The following TYMS variants were observed in gnomAD, a reference collection of about 807,000 sequenced individuals.
The protein encoded by TYMS is thymidylate synthase.
TYMS carries 21 observed loss-of-function variants against 39.3 expected under a neutral mutation model. That is an observed-to-expected ratio of 0.54 (90% confidence interval 0.38 to 0.77). The LOEUF is 0.77. Among genes scored for constraint, TYMS ranks in the 30% least tolerant of loss-of-function variants. The probability of loss-of-function intolerance (pLI) is 0.00; values close to 1 mark genes in which losing one functional copy is unlikely to be tolerated. For synonymous variants in TYMS, 171 were observed against 162.2 expected, an observed-to-expected ratio of 1.05 and a Z score of -0.41; for missense variants, 273 against 406.7, an observed-to-expected ratio of 0.67 and a Z score of 2.83.
At position 657,962 on chromosome 18, in the gene TYMS, C is replaced by A; in HGVS notation, c.205+15C>A. ...CAGCCTGAGAGGTGACGCCGCGGGC[C>A]CCTGCGGGACGGGTGGCGGGAAGGA... On this transcript the variant is annotated intron_variant, in intron 1 of 6. Coordinates refer to ENST00000323274, the MANE Select transcript of TYMS (RefSeq NM_001071.4). 3 of 1,506,254 alleles carry A rather than the reference C, an allele frequency of 2.0e-6. No individual in the cohort carries two copies. The highest frequency in any genetic ancestry group is 2.7e-6 in the Non-Finnish European group (3 of 1,131,874). 93.3% of individuals were successfully genotyped at this position (1,506,254 alleles called of 1,614,324 possible).
Position 671,456 on chromosome 18 carries a change from G to T in TYMS, c.804+5G>T. ...ATCGAGCCACTGAAAATTCAGGTAA[G>T]AATTAGATGTTATACTTTTGGGTTT... is the stretch of plus-strand genomic sequence containing the variant. On this transcript the variant is annotated splice_donor_5th_base_variant and intron_variant, in intron 6 of 6. Transcript: ENST00000323274. 6.3e-7 allele frequency: 1 copy of T among 1,598,548 alleles called. No individual in the cohort carries two copies. Among genetic ancestry groups the T allele is most frequent in the African/African-American group, 1.3e-5 (1 of 74,674 alleles).
chr18:671,648 A>T (rs2853537), intron 6 of TYMS, 197 bp downstream of exon 6: 226,171 of 602,476 alleles, frequency 0.38, 45,874 homozygotes, highest in East Asian at 0.66. Flanking sequence ...GGCACTTAAC[A>T]TGTCAGGTGC....
At chr18:662,002 G>C in intron 2 of TYMS, 144 bp from the exon 3 acceptor site, 1 of 779,162 alleles carries the variant, frequency 1.3e-6, no homozygotes, top group Non-Finnish European at 2.0e-6. Flanking sequence ...AAAAAGGATG[G>C]GTTCCATATG....
At chr18:661,884 C>G (rs564695373) in intron 2 of TYMS, among the ~76,000 whole-genome samples, 63 of 152,352 alleles carry the variant, frequency 4.1e-4, no homozygotes, top group African/African-American at 1.5e-3. Flanking sequence ...ACTCGGGAGG[C>G]TGAGGCAGGG....
At position 659,667 on chromosome 18, in the gene TYMS, CGT is replaced by C; in HGVS notation, c.237_238del (p.Phe80LeufsTer19). ...RDEFPLLTTK[R>X]VFWKGVLEEL... ...TGAATTCCCTCTGCTGACAACCAAA[CGT>C]GTGTTCTGGAAGGGTGTTTTGGAGG... On this transcript the variant is annotated frameshift_variant, in exon 2 of 7. Transcript: ENST00000323274. LOFTEE classifies it high-confidence loss of function. 6.2e-7 allele frequency: 1 copy of C among 1,614,160 alleles called. No individual in the cohort carries two copies. Among genetic ancestry groups the C allele is most frequent in the Non-Finnish European group, 8.5e-7 (1 of 1,180,006 alleles).
intron 6 of TYMS, chr18:672,327 C>CTT (rs2075101014): frequency 6.6e-6 from 1 of 152,248 alleles, no homozygotes; most frequent in African/African-American, 2.4e-5. Flanking sequence ...GTGGAGGTGA[C>CTT]TTCAGGCTTA....
chr18:667,363 GAGA>G (rs770382459), intron 3 of TYMS, among the ~76,000 whole-genome samples: 2 of 29,538 alleles, frequency 6.8e-5, no homozygotes, highest in African/African-American at 3.4e-4. Context: ...GATGGTGATG[GAGA>G]TGGTGATGGT....
At chr18:670,600 G>C in intron 4 of TYMS, 92 bp from the exon 5 acceptor site, 1 of 1,399,702 alleles carries the variant, frequency 7.1e-7, no homozygotes, top group Non-Finnish European at 9.9e-7. Flanking sequence ...CACCATATGA[G>C]TTGGCTTCTG....
Position 660,832 on chromosome 18 carries a change from G to A in TYMS, c.279+1118G>A, listed in dbSNP as rs2074749432. Among the ~76,000 whole-genome samples the A allele has an allele frequency of 1.3e-5, 2 of 152,196 alleles. No homozygotes were observed. Among genetic ancestry groups the A allele is most frequent in the African/African-American group, 4.8e-5 (2 of 41,454 alleles). Reference sequence around the variant, plus strand: ...AGGTCTGGGCCATACTAGAAGCTGGGATCCCTTCTATAGAGCACTTGGTAT... The same window carrying A: ...AGGTCTGGGCCATACTAGAAGCTGGAATCCCTTCTATAGAGCACTTGGTAT... On this transcript the variant is annotated intron_variant, in intron 2 of 6. Transcript: ENST00000323274. The surrounding 1 kb of genome is among the most constrained non-coding windows in gnomAD (Gnocchi z 4.6).
intron 6 of TYMS, 73 bp from the exon 7 acceptor site, chr18:672,787 T>A (rs2075128159): frequency 1.2e-5 from 18 of 1,472,808 alleles, no homozygotes; most frequent in Non-Finnish European, 1.7e-5. Context: ...TGTGTACTTG[T>A]TTCACGGACA....
intron 4 of TYMS, chr18:670,360 C>T (rs1349868068): frequency 4.5e-6 from 1 of 224,204 alleles, no homozygotes; most frequent in Admixed American, 5.2e-5. Flanking sequence ...GGAGGGTGTA[C>T]CAGAAGCACC....
In TYMS at chr18:657,674, C is replaced by T; in HGVS notation, c.-69C>T. 1 of 1,072,532 alleles carries T rather than the reference C, an allele frequency of 9.3e-7. No homozygotes were observed. The highest frequency in any genetic ancestry group is 2.6e-5 in the African/African-American group (1 of 38,190). 66.4% of individuals were successfully genotyped at this position (1,072,532 alleles called of 1,614,324 possible). A position where few individuals can be genotyped will look rare whatever the true frequency, so the allele number is the denominator to read the frequency against. ...CGCCACTTGGCCTGCCTCCGTCCCGCCGCGCCACTTGGCCTGCCTCCGTCC... is the reference window on the plus strand; with the variant it reads ...CGCCACTTGGCCTGCCTCCGTCCCGTCGCGCCACTTGGCCTGCCTCCGTCC... On this transcript the variant is annotated 5_prime_UTR_variant, in exon 1 of 7. Transcript: ENST00000323274.
In TYMS at chr18:670,774, C is replaced by T. The variant is rs777474966; in HGVS notation, c.639C>T (p.Tyr213=). The T allele has an allele frequency of 2.7e-5, 43 of 1,614,024 alleles. No individual in the cohort carries two copies. The highest frequency in any genetic ancestry group is 3.4e-5 in the Non-Finnish European group (40 of 1,180,048). The change falls in exon 5 of 7, where the codon TAC becomes TAT. Residue 213 remains tyrosine (Y), a synonymous_variant. Transcript: ENST00000323274. ...ACAGTGAGCTGTCCTGCCAGCTGTA[C>T]CAGAGATCGGGAGACATGGGCCTCG... The part of the protein sequence containing the change: ...VVNSELSCQL[Y]QRSGDMGLGV...
At chr18:670,601 T>C (rs2074997852) in intron 4 of TYMS, 91 bp from the exon 5 acceptor site, 6 of 1,402,804 alleles carry the variant, frequency 4.3e-6, no homozygotes, top group Non-Finnish European at 5.9e-6. Flanking sequence ...ACCATATGAG[T>C]TGGCTTCTGT....
rs966583765 is a variant in TYMS, at chr18:660,145, C to T, written c.279+431C>T. On this transcript the variant is annotated intron_variant, in intron 2 of 6. Coordinates refer to ENST00000323274, the MANE Select transcript of TYMS (RefSeq NM_001071.4). This position sits in a 1 kb window ranked among gnomAD's most constrained non-coding sequence, Gnocchi z 4.6. ...AAGCCCTTAGTGGCTCCATTTCACT[C>T]AGTAAGAGCCACGGTCCTTATGGTG... Among the ~76,000 whole-genome samples, 3 of 152,222 alleles carry T rather than the reference C, an allele frequency of 2.0e-5. No individual in the cohort carries two copies. Among genetic ancestry groups the T allele is most frequent in the African/African-American group, 7.2e-5 (3 of 41,460 alleles).
rs1200567277 is a variant in TYMS at position 659,707 on chromosome 18, T to A, written c.272T>A (p.Phe91Tyr). 6.2e-7 allele frequency: 1 copy of A among 1,613,910 alleles called. No individual in the cohort carries two copies. The highest frequency in any genetic ancestry group is 8.5e-7 in the Non-Finnish European group (1 of 1,179,760). ...WKGVLEELLW[F>Y]IKGSTNAKEL... ...GGTGTTTTGGAGGAGTTGCTGTGGT[T>A]TATCAAGGTAAAGAAGTCGCTGCTA... The change falls in exon 2 of 7, where the codon TTT becomes TAT. Residue 91 changes from phenylalanine (F) to tyrosine (Y), a missense_variant. Coordinates refer to ENST00000323274, the MANE Select transcript of TYMS (RefSeq NM_001071.4).
intron 3 of TYMS, among the ~76,000 whole-genome samples, chr18:662,863 C>CAT (rs1250481953): frequency 6.7e-6 from 1 of 148,710 alleles, no homozygotes; most frequent in Non-Finnish European, 1.5e-5. Context: ...TTTATGGCTG[C>CAT]ATAGTATTCC....
chr18:671,333 A>G (rs756229903), intron 5 of TYMS, 47 bp from the exon 6 acceptor site: 34 of 1,218,022 alleles, frequency 2.8e-5, no homozygotes, highest in Non-Finnish European at 4.1e-5. Flanking sequence ...GATGTTTTAA[A>G]GAATTGAAAC....
chr18:672,345 T>C (rs1330742258), intron 6 of TYMS: 1 of 152,338 alleles, frequency 6.6e-6, no homozygotes, highest in Non-Finnish European at 1.5e-5. Context: ...TTATTCTCTC[T>C]GGCTCTCTGC....
Sources: gnomAD v4.1 joint callset for allele counts (sites outside exome capture counted in the v4.1 genomes callset) on GRCh38, gnomAD v4.1.1 for gene constraint, Gnocchi (gnomAD v3.1) non-coding constraint, MANE v1.5 for transcripts, NCBI Gene and HGNC (gene_info 2026-07-23, HGNC 2026-07-21) for gene names.